ANKUB1: variants seen among roughly 807,000 people sequenced by gnomAD.
ANKUB1 encodes the protein protein ANKUB1.
ANKUB1 carries 42 observed loss-of-function variants against 49.3 expected under a neutral mutation model. That is an observed-to-expected ratio of 0.85 (90% CI 0.67 to 1.10). ANKUB1 has a LOEUF of 1.10. Among genes scored for constraint, ANKUB1 ranks in the 50% least tolerant of loss-of-function variants. The pLI is 0.00. For missense variants in ANKUB1, 613 were observed against 642.0 expected, an observed-to-expected ratio of 0.95 and a Z score of 0.49; for synonymous variants, 222 against 231.0, an observed-to-expected ratio of 0.96 and a Z score of 0.35.
At chr3:149,777,418 G>A (rs1038228404) in intron 3 of ANKUB1, among the ~76,000 whole-genome samples, 1 of 152,166 alleles carries the variant, frequency 6.6e-6, no homozygotes, top group African/African-American at 2.4e-5. Flanking sequence ...GTCGCAGTAA[G>A]CTGAGGTCGT....
intron 2 of ANKUB1, among the ~76,000 whole-genome samples, chr3:149,784,898 A>G (rs1465059573): frequency 6.6e-6 from 1 of 152,170 alleles, no homozygotes; most frequent in African/African-American, 2.4e-5. Flanking sequence ...ACCTTTATCA[A>G]TTCATTTATT....
At position 149,767,492 on chromosome 3, in the gene ANKUB1, G is replaced by T. The variant is rs1717090257; in HGVS notation, c.1170C>A (p.Val390=). Residue 390 remains valine (V), a synonymous_variant, in exon 5 of 6, where the codon GTC becomes GTA. Transcript: ENST00000446160. ...CCGGCTGTGAAATTGCCAAAGGATTGACAGGTTTGCTGCTTGCAGTTTGTT... is the reference window on the plus strand; with the variant it reads ...CCGGCTGTGAAATTGCCAAAGGATTTACAGGTTTGCTGCTTGCAGTTTGTT... The part of the protein sequence containing the change: ...LSKQTASSKP[V]NPLAISQPDT... 3.9e-6 allele frequency: 6 copies of T among 1,551,596 alleles called. No homozygotes were observed. Among genetic ancestry groups the T allele is most frequent in the Non-Finnish European group, 5.2e-6 (6 of 1,147,010 alleles).
chr3:149,784,247 A>G (rs1717992446), intron 2 of ANKUB1, among the ~76,000 whole-genome samples: 1 of 152,202 alleles, frequency 6.6e-6, no homozygotes, highest in Non-Finnish European at 1.5e-5. Flanking sequence ...AAGTCTGGTT[A>G]TAGAAGGAGG....
rs999593020 is a variant in ANKUB1 at position 149,767,920 on chromosome 3, C to T, written c.742G>A (p.Ala248Thr). ...DVSKCPIHAAAEAGQLLILKA... is the reference protein window; with the variant it reads ...DVSKCPIHAATEAGQLLILKA... ...AGAATCAACAGTTGGCCTGCTTCTGCGGCTGCATGAATGGGGCATTTAGAG... is the reference window on the plus strand; with the variant it reads ...AGAATCAACAGTTGGCCTGCTTCTGTGGCTGCATGAATGGGGCATTTAGAG... The change falls in exon 5 of 6, where the codon GCA becomes ACA. Residue 248 changes from alanine to threonine, a missense_variant. Physicochemically the swap from Ala to Thr is moderately conservative, Grantham distance 58 (BLOSUM62 0). Coordinates refer to ENST00000446160, the MANE Select transcript of ANKUB1 (RefSeq NM_001144960.3). 19 of 1,550,150 alleles carry T rather than the reference C, an allele frequency of 1.2e-5. No individual in the cohort carries two copies. Among genetic ancestry groups the T allele is most frequent in the Middle Eastern group, 1.7e-4 (1 of 6,010 alleles).
In ANKUB1 at chr3:149,761,479, A is replaced by G. The variant is rs1344659197; in HGVS notation, c.*5T>C. On this transcript the variant is annotated 3_prime_UTR_variant, in exon 6 of 6. Coordinates refer to ENST00000446160, the MANE Select transcript of ANKUB1 (RefSeq NM_001144960.3). ...CTTTGTCCAAACTGAAGTTGTCATG[A>G]CTTTTCAAAGCACAGTTTCTAGAGA... The G allele has an allele frequency of 6.4e-7, 1 of 1,551,134 alleles. No homozygotes were observed. The highest frequency in any genetic ancestry group is 8.7e-7 in the Non-Finnish European group (1 of 1,146,652).
chr3:149,783,968 T>C (rs1173892818), intron 2 of ANKUB1: 2 of 152,238 alleles, frequency 1.3e-5, no homozygotes, highest in African/African-American at 4.8e-5. Context: ...ATACATGTTT[T>C]TGTGTATAAA....
intron 3 of ANKUB1, among the ~76,000 whole-genome samples, chr3:149,777,752 T>G (rs770094022): frequency 3.9e-5 from 6 of 152,180 alleles, no homozygotes; most frequent in Admixed American, 1.3e-4. Context: ...TTCTCCAGAA[T>G]GCCTTCCCTA....
At chr3:149,774,564 A>T (rs1387340575) in intron 3 of ANKUB1, among the ~76,000 whole-genome samples, 1 of 152,160 alleles carries the variant, frequency 6.6e-6, no homozygotes, top group Non-Finnish European at 1.5e-5. Context: ...GCTGAATGAG[A>T]CCTGATTCTG....
chr3:149,762,874 C>T (rs1382453071), intron 5 of ANKUB1, among the ~76,000 whole-genome samples: 2 of 152,120 alleles, frequency 1.3e-5, no homozygotes, highest in Non-Finnish European at 2.9e-5. Context: ...TTTGCAAATC[C>T]ACGTACCTTC....
At chr3:149,784,040 C>T (rs1276877893) in intron 2 of ANKUB1, 1 of 152,148 alleles carries the variant, frequency 6.6e-6, no homozygotes, top group Non-Finnish European at 1.5e-5. Context: ...CAGTACCTCT[C>T]GAAAGCTAAA....
chr3:149,770,409 A>C, intron 4 of ANKUB1, 151 bp downstream of exon 4: 3 of 615,696 alleles, frequency 4.9e-6, no homozygotes, highest in Non-Finnish European at 8.5e-6. Context: ...CAAATATGTC[A>C]ATAATAATAT....
intron 5 of ANKUB1, among the ~76,000 whole-genome samples, chr3:149,764,574 C>T (rs1716913480): frequency 8.1e-6 from 1 of 122,810 alleles, no homozygotes; most frequent in East Asian, 3.0e-4. Context: ...TTCCTTCCCT[C>T]CCTCCCTCCC....
chr3:149,780,072 T>C (rs772702129), intron 3 of ANKUB1, 167 bp downstream of exon 3: 13 of 656,856 alleles, frequency 2.0e-5, no homozygotes, highest in Non-Finnish European at 3.1e-5. Flanking sequence ...ACTTCTGATA[T>C]TTAAACTATG....
Position 149,787,725 on chromosome 3 carries a change from G to A in ANKUB1, c.234+3056C>T, listed in dbSNP as rs1186007700. 2.0e-5 allele frequency among the ~76,000 whole-genome samples: 3 copies of A among 152,120 alleles called. No individual in the cohort carries two copies. In the East Asian group the frequency reaches 5.8e-4, roughly 29 times the overall value. On this transcript the variant is annotated intron_variant, in intron 2 of 5. Transcript: ENST00000446160. ...TTAAAAGAAAAGCGTAATATACAGG[G>A]AAGCTGGAAAAAGCATTGTCTAAAG...
chr3:149,787,674 C>A (rs1156268123), intron 2 of ANKUB1, among the ~76,000 whole-genome samples: 2 of 152,040 alleles, frequency 1.3e-5, no homozygotes, highest in African/African-American at 4.8e-5. Context: ...ATTTCCATTT[C>A]TTTTCCAAAT....
chr3:149,789,787 G>A (rs548073147), intron 2 of ANKUB1, among the ~76,000 whole-genome samples: 1 of 151,878 alleles, frequency 6.6e-6, no homozygotes, highest in East Asian at 1.9e-4. Context: ...ATGCCATCAC[G>A]CGCAGCTAAT....
chr3:149,775,957 C>G (rs1215695304), intron 3 of ANKUB1, among the ~76,000 whole-genome samples: 1 of 151,938 alleles, frequency 6.6e-6, no homozygotes, highest in Non-Finnish European at 1.5e-5. Context: ...TGATATGTCA[C>G]TAAGCCTCAA....
intron 3 of ANKUB1, 22 bp downstream of exon 3, chr3:149,780,217 T>A (rs769038319): frequency 1.3e-6 from 2 of 1,543,284 alleles, no homozygotes; most frequent in Admixed American, 3.9e-5. Context: ...TGGTAGCTGA[T>A]ATCAAATATA....
At chr3:149,773,862 AG>A (rs1397196103) in intron 3 of ANKUB1, among the ~76,000 whole-genome samples, 4 of 152,120 alleles carry the variant, frequency 2.6e-5, no homozygotes, top group Non-Finnish European at 5.9e-5. Flanking sequence ...TTCCCGTAGG[AG>A]GGAATTTATT....
Sources: allele counts gnomAD v4.1 joint callset (sites outside exome capture counted in the v4.1 genomes callset), GRCh38; gene constraint gnomAD v4.1.1; transcripts MANE v1.5; gene names NCBI Gene and HGNC (gene_info 2026-07-23, HGNC 2026-07-21).